The following PTPN20 variants were observed in gnomAD, a reference collection of about 807,000 sequenced individuals.
PTPN20 encodes protein tyrosine phosphatase non-receptor type 20, also known as tyrosine-protein phosphatase non-receptor type 20.
PTPN20 carries 9 observed loss-of-function variants against 35.0 expected under a neutral mutation model. That is an observed-to-expected ratio of 0.26 (90% CI 0.15 to 0.45). PTPN20 has a LOEUF of 0.45. Ranked by LOEUF, PTPN20 falls within the 20% of genes least tolerant of loss-of-function variation. The probability of loss-of-function intolerance (pLI) is 1.00; values close to 1 mark genes in which losing one functional copy is unlikely to be tolerated. For missense variants in PTPN20, 111 were observed against 312.5 expected, an observed-to-expected ratio of 0.36 and a Z score of 4.86; for synonymous variants, 32 against 100.2, an observed-to-expected ratio of 0.32 and a Z score of 4.06.
chr10:46,975,842 G>A (rs1313730792), intron 7 of PTPN20, among the ~76,000 whole-genome samples: 7 of 150,860 alleles, frequency 4.6e-5, no homozygotes, highest in Non-Finnish European at 8.9e-5. Flanking sequence ...TGTATTTTTA[G>A]TAGAGATGGG....
chr10:46,931,788 G>A (rs1272028927), intron 1 of PTPN20, among the ~76,000 whole-genome samples: 2 of 145,402 alleles, frequency 1.4e-5, no homozygotes, highest in Non-Finnish European at 3.0e-5. Flanking sequence ...TTATTTGCAG[G>A]TAGTAAATGG....
chr10:46,997,393 G>A (rs2059310931), intron 9 of PTPN20, among the ~76,000 whole-genome samples: 1 of 149,650 alleles, frequency 6.7e-6, no homozygotes, highest in African/African-American at 2.5e-5. Flanking sequence ...TCTTTAGTGT[G>A]TTCTACATAG....
chr10:46,988,256 CAT>C lies in PTPN20; in HGVS notation c.1134+702_1134+703del, dbSNP rs1226621212. 3.9e-5 allele frequency among the ~76,000 whole-genome samples: 4 copies of C among 102,018 alleles called. No homozygotes were observed. In the East Asian group the frequency reaches 1.2e-3, roughly 30 times the overall value. 66.9% of individuals were successfully genotyped at this position (102,018 alleles called of 152,430 possible). ...TGTTTTTCCTTTTATTTTTAGTTGA[CAT>C]GTAATAATTGTACATATTTGTGGGG... is the stretch of plus-strand genomic sequence containing the variant. On this transcript the variant is annotated intron_variant, in intron 9 of 10. Coordinates refer to ENST00000374339, the MANE Select transcript of PTPN20 (RefSeq NM_001042357.5).
At chr10:46,999,878 T>C (rs782192871) in intron 9 of PTPN20, 34 bp from the exon 10 acceptor site, 1 of 1,612,464 alleles carries the variant, frequency 6.2e-7, no homozygotes, top group Admixed American at 1.7e-5. Flanking sequence ...TTCCCCCATG[T>C]GGATCATACA....
intron 1 of PTPN20, among the ~76,000 whole-genome samples, chr10:46,923,918 T>C (rs2036286256): frequency 2.0e-5 from 3 of 152,256 alleles, no homozygotes. Flanking sequence ...TTGTTATATT[T>C]ATACCTGTAT....
At chr10:46,970,478 T>TTTACC (rs2051736389) in intron 7 of PTPN20, among the ~76,000 whole-genome samples, 3 of 119,442 alleles carry the variant, frequency 2.5e-5, no homozygotes, top group Admixed American at 8.8e-5. Context: ...CTCTCAATGG[T>TTTACC]AAACCCCTAT....
At chr10:46,954,100 T>TTG (rs2047688944) in intron 5 of PTPN20, among the ~76,000 whole-genome samples, 1 of 97,002 alleles carries the variant, frequency 1.0e-5, no homozygotes, top group Non-Finnish European at 2.0e-5. Flanking sequence ...TTTTTTTTTT[T>TTG]GGGGGGGGGT....
chr10:46,945,916 T>TA (rs1261105629), intron 4 of PTPN20, among the ~76,000 whole-genome samples: 995 of 96,770 alleles, frequency 0.01, 19 homozygotes, highest in African/African-American at 0.043. Flanking sequence ...CACGATATGT[T>TA]AAAAAAAAAT....
At chr10:46,925,867 T>G (rs1302257301) in intron 1 of PTPN20, 1 of 400,400 alleles carries the variant, frequency 2.5e-6, no homozygotes, top group Non-Finnish European at 3.4e-6. Flanking sequence ...ATAGATTGAG[T>G]GACTAAAGAT....
chr10:46,926,731 C>G (rs1221109043), intron 1 of PTPN20, among the ~76,000 whole-genome samples: 2 of 151,604 alleles, frequency 1.3e-5, no homozygotes, highest in East Asian at 1.9e-4. Flanking sequence ...AAAGCAAAAT[C>G]AACAAGGGAT....
In PTPN20 at chr10:46,932,680, C is replaced by T. The variant is rs1370717268; in HGVS notation, c.34+147C>T. On this transcript the variant is annotated intron_variant, in intron 2 of 10. Coordinates refer to ENST00000374339, the MANE Select transcript of PTPN20 (RefSeq NM_001042357.5). ...GGTCTTGGTGGGGTGGGGTGGGGGG[C>T]AAGACTCTGCATTTCTAATAAGCCA... 12 of 1,398,614 alleles carry T rather than the reference C, an allele frequency of 8.6e-6. No individual in the cohort carries two copies. In the African/African-American group the frequency reaches 1.8e-4, roughly 21 times the overall value. The allele number at this position is 1,398,614 out of a possible 1,614,324, so 86.6% of individuals were successfully genotyped here.
rs2056449396 is a variant in PTPN20 at position 46,984,401 on chromosome 10, C to T, written c.755C>T (p.Ala252Val). The change falls in exon 8 of 11, where the codon GCC (alanine) becomes GTC (valine). Residue 252 changes from alanine to valine, a missense_variant. By Grantham distance (64) the Ala-to-Val change is moderately conservative. Transcript: ENST00000374339. Reference sequence around the variant, plus strand: ...TTGGAAAATAATTCAAATGTTATTGCCATGATAACCAGAGAGATAGAAGGT... The same window carrying T: ...TTGGAAAATAATTCAAATGTTATTGTCATGATAACCAGAGAGATAGAAGGT... ...MVLENNSNVIAMITREIEGGI... is the reference protein window; with the variant it reads ...MVLENNSNVIVMITREIEGGI... 1.2e-6 allele frequency: 2 copies of T among 1,611,808 alleles called. No homozygotes were observed. The highest frequency in any genetic ancestry group is 8.5e-7 in the Non-Finnish European group (1 of 1,179,804).
chr10:46,985,128 G>A (rs1173416906), intron 8 of PTPN20, among the ~76,000 whole-genome samples: 1 of 147,536 alleles, frequency 6.8e-6, no homozygotes, highest in African/African-American at 2.5e-5. Flanking sequence ...TAAGGTGTGT[G>A]TAGAGACAAA....
intron 1 of PTPN20, among the ~76,000 whole-genome samples, chr10:46,929,880 TC>T (rs1410972760): frequency 6.9e-6 from 1 of 145,328 alleles, no homozygotes; most frequent in Non-Finnish European, 1.5e-5. Context: ...ACCTAAAATT[TC>T]AGTACACATG....
At chr10:46,966,460 T>G (rs1342154255) in intron 6 of PTPN20, among the ~76,000 whole-genome samples, 4 of 150,926 alleles carry the variant, frequency 2.7e-5, no homozygotes, top group African/African-American at 7.3e-5. Flanking sequence ...TAATAATTAC[T>G]TCATGTTTTT....
chr10:46,990,323 A>C, intron 9 of PTPN20, among the ~76,000 whole-genome samples: 2 of 131,354 alleles, frequency 1.5e-5, no homozygotes. Context: ...CAGTGAGCTG[A>C]GATTGTGTCA....
At chr10:46,936,023 T>C (rs1188250232) in intron 2 of PTPN20, among the ~76,000 whole-genome samples, 1 of 152,156 alleles carries the variant, frequency 6.6e-6, no homozygotes, top group Non-Finnish European at 1.5e-5. Context: ...TATCTCATTG[T>C]GGTTTTCATT....
At chr10:46,996,365 A>C (rs2137820617) in intron 9 of PTPN20, among the ~76,000 whole-genome samples, 1 of 152,356 alleles carries the variant, frequency 6.6e-6, no homozygotes, top group South Asian at 2.1e-4. Context: ...TGAACAGTCC[A>C]GTCATGCTTG....
At chr10:46,950,788 A>C (rs1397081662) in intron 5 of PTPN20, among the ~76,000 whole-genome samples, 1 of 152,092 alleles carries the variant, frequency 6.6e-6, no homozygotes. Context: ...CTAAGAATAC[A>C]CAAAGATATA....
Sources: allele counts gnomAD v4.1 joint callset (sites outside exome capture counted in the v4.1 genomes callset), GRCh38; gene constraint gnomAD v4.1.1; transcripts MANE v1.5; gene names NCBI Gene and HGNC (gene_info 2026-07-23, HGNC 2026-07-21).